Variants in IGF2R observed in about 807,000 individuals in gnomAD.
IGF2R encodes the protein insulin like growth factor 2 receptor, also known as cation-independent mannose-6-phosphate receptor.
IGF2R carries 91 observed loss-of-function variants against 270.6 expected under a neutral mutation model. The observed-to-expected ratio is 0.34, with a 90% CI of 0.28 to 0.40. IGF2R has a LOEUF of 0.40. Among genes scored for constraint, IGF2R ranks in the 10% least tolerant of loss-of-function variants. The pLI is 1.00. For missense variants in IGF2R, 2,805 were observed against 3,188.3 expected, an observed-to-expected ratio of 0.88 and a Z score of 2.90; for synonymous variants, 1,316 against 1,258.9, an observed-to-expected ratio of 1.05 and a Z score of -0.96.
Position 160,058,975 on chromosome 6 carries a change from G to C in IGF2R, c.2968G>C (p.Glu990Gln), listed in dbSNP as rs1306519368. ...LGKPASGCEA[E>Q]TQTEELKNWK... ...AAAACCTGCTTCTGGCTGTGAGGCA[G>C]AAACCCAAACTGAAGAGCTCAAGAA... The change falls in exon 22 of 48, where the codon GAA (glutamate) becomes CAA (glutamine). Residue 990 changes from glutamate to glutamine, a missense_variant. By Grantham distance (29) the Glu-to-Gln change is conservative (BLOSUM62 2). Transcript: ENST00000356956. The C allele has an allele frequency of 6.2e-7, 1 of 1,614,240 alleles. No individual in the cohort carries two copies. Among genetic ancestry groups the C allele is most frequent in the Admixed American group, 1.7e-5 (1 of 60,028 alleles).
chr6:159,984,668 A>G (rs1453731107), intron 1 of IGF2R, among the ~76,000 whole-genome samples: 2 of 152,184 alleles, frequency 1.3e-5, no homozygotes, highest in African/African-American at 4.8e-5. Flanking sequence ...GACACCATCT[A>G]TGTGTGTGCA....
Position 160,083,935 on chromosome 6 carries a change from C to T in IGF2R, c.5834-15C>T, listed in dbSNP as rs746488724. ...TGACAGTCTGATCTCTCTCTCTTTT[C>T]CCTACACTCCCCAGCAAACAGCTAC... On this transcript the variant is annotated splice_polypyrimidine_tract_variant and intron_variant, in intron 39 of 47. Coordinates refer to ENST00000356956, the MANE Select transcript of IGF2R (RefSeq NM_000876.4). 6.4e-6 allele frequency: 10 copies of T among 1,572,580 alleles called. No homozygotes were observed. The African/African-American group carries it at 9.4e-5, about 15-fold the overall frequency.
At position 160,048,477 on chromosome 6, in the gene IGF2R, T is replaced by C. The variant is rs1778118593; in HGVS notation, c.2448T>C (p.Pro816=). The C allele has an allele frequency of 6.2e-7, 1 of 1,614,124 alleles. No homozygotes were observed. Among genetic ancestry groups the C allele is most frequent in the Non-Finnish European group, 8.5e-7 (1 of 1,180,032 alleles). The change falls in exon 18 of 48, where the codon CCT becomes CCC. Residue 816 remains proline, a synonymous_variant. Coordinates refer to ENST00000356956, the MANE Select transcript of IGF2R (RefSeq NM_000876.4). ...WRKYYINVCR[P]LNPVPGCNRY... is the part of the protein sequence containing the mutation. The stretch of plus-strand genomic sequence containing the variant: ...AATACTACATTAACGTGTGTCGGCC[T>C]CTGAATCCAGTGCCGGGCTGCAACC...
intron 45 of IGF2R, among the ~76,000 whole-genome samples, chr6:160,100,810 A>G (rs62440158): frequency 9.5e-5 from 5 of 52,704 alleles, no homozygotes; most frequent in African/African-American, 2.1e-4. Flanking sequence ...TTTTTTTTGG[A>G]GACAGAGACT....
chr6:159,969,803 CG>C (rs1235319900), intron 1 of IGF2R, among the ~76,000 whole-genome samples: 1 of 152,182 alleles, frequency 6.6e-6, no homozygotes, highest in Non-Finnish European at 1.5e-5. Flanking sequence ...GTTTCGCCAG[CG>C]GGGCACCGGT....
Position 160,050,505 on chromosome 6 carries a change from C to T in IGF2R, c.2547C>T (p.Asn849=), listed in dbSNP as rs140441367. The change falls in exon 19 of 48, where the codon AAC becomes AAT. Residue 849 remains asparagine (N), a synonymous_variant. Transcript: ENST00000356956. This position sits in a 1 kb window ranked among gnomAD's most constrained non-coding sequence, Gnocchi z 4.0. ...TCACTGAAGTGGTTTCCATCAGTAA[C>T]TTGGGAATGGCAAAGACCGGCCCGG... ...GSFTEVVSIS[N]LGMAKTGPVV... 2,497 of 1,613,476 alleles carry T rather than the reference C, an allele frequency of 1.5e-3. 4 individuals carry two copies. The highest frequency in any genetic ancestry group is 1.8e-3 in the Non-Finnish European group (2,131 of 1,179,452).
At chr6:159,997,790 T>C (rs1784076211) in intron 2 of IGF2R, among the ~76,000 whole-genome samples, 1 of 152,216 alleles carries the variant, frequency 6.6e-6, no homozygotes, top group Non-Finnish European at 1.5e-5. Context: ...CTCTGGCAAC[T>C]CTGTTCAGCT....
intron 1 of IGF2R, among the ~76,000 whole-genome samples, chr6:159,987,626 G>C (rs768262733): frequency 2.5e-4 from 38 of 152,158 alleles, no homozygotes; most frequent in Admixed American, 6.5e-4. Context: ...TCCTGACCTC[G>C]TGATCTGCAT....
intron 4 of IGF2R, among the ~76,000 whole-genome samples, chr6:160,013,410 TA>T (rs34643864): frequency 0.11 from 9,722 of 87,728 alleles, 451 homozygotes; most frequent in East Asian, 0.34. Flanking sequence ...TGGTTCTTTG[TA>T]AAAAAAAAAA....
chr6:160,091,986 C>T (rs1295151306), intron 44 of IGF2R, among the ~76,000 whole-genome samples: 1 of 152,262 alleles, frequency 6.6e-6, no homozygotes, highest in Non-Finnish European at 1.5e-5. Context: ...ATATGCTGCT[C>T]TTGGTGCTGG....
chr6:160,033,413 G>A (rs1777744272), intron 9 of IGF2R, among the ~76,000 whole-genome samples: 1 of 152,260 alleles, frequency 6.6e-6, no homozygotes, highest in South Asian at 2.1e-4. Flanking sequence ...GTGGATTAGA[G>A]GCGTGTGCCT....
At chr6:160,047,755 C>T (rs368197153) in intron 16 of IGF2R, 37 bp from the exon 17 acceptor site, 3 of 1,282,308 alleles carry the variant, frequency 2.3e-6, no homozygotes, top group Non-Finnish European at 3.4e-6. Flanking sequence ...GTGTCTTTCT[C>T]TTTTTGCCAT....
intron 12 of IGF2R, 73 bp downstream of exon 12, chr6:160,043,361 C>T (rs1363978819): frequency 2.0e-6 from 3 of 1,485,610 alleles, no homozygotes; most frequent in Non-Finnish European, 2.7e-6. Flanking sequence ...GTTAGAAGAT[C>T]TTTCTGTGGT....
chr6:160,008,676 G>T (rs566197955), intron 2 of IGF2R, among the ~76,000 whole-genome samples: 2 of 152,208 alleles, frequency 1.3e-5, no homozygotes, highest in Non-Finnish European at 2.9e-5. Flanking sequence ...TGAGACTAGT[G>T]TGGAGGCAGG....
intron 1 of IGF2R, among the ~76,000 whole-genome samples, chr6:159,976,048 C>G (rs997773598): frequency 1.3e-5 from 2 of 151,716 alleles, no homozygotes; most frequent in African/African-American, 4.8e-5. Flanking sequence ...TGTGGTGAAA[C>G]AGTTTGTATA....
intron 2 of IGF2R, chr6:160,005,562 CT>C: frequency 6.6e-6 from 1 of 152,390 alleles, no homozygotes. Context: ...CTTCCAGGGC[CT>C]TTTTCTGCCT....
rs1778892502 is a variant in IGF2R, at chr6:160,078,064, A to G, written c.5317-137A>G. The G allele has an allele frequency of 3.8e-6, 3 of 790,036 alleles. No individual in the cohort carries two copies. In the Admixed American group the frequency reaches 6.6e-5, roughly 17 times the overall value. The allele number at this position is 790,036 out of a possible 1,614,324, so 48.9% of individuals were successfully genotyped here. A position where few individuals can be genotyped will look rare whatever the true frequency, so the allele number is the denominator to read the frequency against. Reference sequence around the variant, plus strand: ...CCTTGAAGATGGCATTGGGTCTTTCAGCTGCTGTTGTCTAGCATCCCTTCC... The same window carrying G: ...CCTTGAAGATGGCATTGGGTCTTTCGGCTGCTGTTGTCTAGCATCCCTTCC... On this transcript the variant is annotated intron_variant, in intron 36 of 47. Transcript: ENST00000356956.
At chr6:160,033,481 C>T (rs1271956290) in intron 9 of IGF2R, among the ~76,000 whole-genome samples, 1 of 152,222 alleles carries the variant, frequency 6.6e-6, no homozygotes. Flanking sequence ...AAACATAACT[C>T]CCTCTCCTTT....
At chr6:160,057,971 C>A (rs889732172) in intron 20 of IGF2R, 52 bp from the exon 21 acceptor site, 3 of 1,050,138 alleles carry the variant, frequency 2.9e-6, no homozygotes, top group East Asian at 2.4e-5. Flanking sequence ...ATGTTATGTT[C>A]CTGTGGAATT....
Sources: gnomAD v4.1 joint callset for allele counts (sites outside exome capture counted in the v4.1 genomes callset) on GRCh38, gnomAD v4.1.1 for gene constraint, Gnocchi (gnomAD v3.1) non-coding constraint, MANE v1.5 for transcripts, NCBI Gene and HGNC (gene_info 2026-07-23, HGNC 2026-07-21) for gene names.